The following CD69 variants were observed in gnomAD, a reference collection of about 807,000 sequenced individuals.
CD69 encodes the protein early activation antigen CD69.
A neutral mutation model predicts 21.4 loss-of-function variants in CD69; 10 were observed. That is an observed-to-expected ratio of 0.47 (90% confidence interval 0.29 to 0.79). The LOEUF is 0.79. CD69 is among the 30% of genes least tolerant of loss of function. The probability of loss-of-function intolerance (pLI) is 0.09; values close to 1 mark genes in which losing one functional copy is unlikely to be tolerated. For missense variants in CD69, 204 were observed against 236.9 expected (o/e 0.86, Z 0.91); for synonymous variants, 63 against 78.2 (o/e 0.81, Z 1.03).
intron 2 of CD69, 148 bp from the exon 3 acceptor site, chr12:9,755,409 GAAAGAAAGTTCTCAGGACCATA>G: frequency 1.5e-6 from 1 of 651,844 alleles, no homozygotes; most frequent in Admixed American, 2.8e-5. Flanking sequence ...AGGGTATGAA[GAAAGAAAGTTCTCAGGACCATA>G]TCTGATCTTC....
chr12:9,755,188 C>T lies in CD69; in HGVS notation c.261G>A (p.Glu87=). ...ATTTCCTCTGGTAGCCAACCCAGTCCTCAGAGCATGAAGAAACATGGCTGT... is the reference window on the plus strand; with the variant it reads ...ATTTCCTCTGGTAGCCAACCCAGTCTTCAGAGCATGAAGAAACATGGCTGT... ...PSDSHVSSCS[E]DWVGYQRKCY... is the part of the protein sequence containing the mutation. Residue 87 remains glutamate (E), a synonymous_variant, in exon 3 of 5, where the codon GAG becomes GAA. Coordinates refer to ENST00000228434, the MANE Select transcript of CD69 (RefSeq NM_001781.2). The T allele has an allele frequency of 1.2e-6, 2 of 1,614,032 alleles. No homozygotes were observed. The highest frequency in any genetic ancestry group is 1.6e-4 in the Middle Eastern group (1 of 6,062).
intron 1 of CD69, among the ~76,000 whole-genome samples, chr12:9,757,842 A>C (rs59585962): frequency 0.067 from 10,208 of 152,280 alleles, 1,177 homozygotes; most frequent in African/African-American, 0.23. Context: ...TCTTGTGGTT[A>C]TACCACTGTC....
At chr12:9,760,028 T>C (rs925074614) in intron 1 of CD69, among the ~76,000 whole-genome samples, 4 of 151,980 alleles carry the variant, frequency 2.6e-5, no homozygotes, top group African/African-American at 9.7e-5. Flanking sequence ...AAGCCAGAGA[T>C]TGGAAAGGTT....
intron 1 of CD69, among the ~76,000 whole-genome samples, chr12:9,760,003 G>T (rs913361281): frequency 1.3e-5 from 2 of 150,182 alleles, no homozygotes; most frequent in African/African-American, 5.1e-5. Flanking sequence ...CAAATTCTAA[G>T]TTACATAGTC....
chr12:9,760,723 C>A, intron 1 of CD69, 34 bp downstream of exon 1: 1 of 1,492,134 alleles, frequency 6.7e-7, no homozygotes, highest in Non-Finnish European at 9.3e-7. Context: ...TATAGAGATA[C>A]CAGAGAGTAA....
chr12:9,753,568 G>T lies in CD69; in HGVS notation c.513C>A (p.Asp171Glu), dbSNP rs1325140636. 1.3e-6 allele frequency: 2 copies of T among 1,563,214 alleles called. No individual in the cohort carries two copies. The highest frequency in any genetic ancestry group is 1.7e-5 in the Admixed American group (1 of 58,114). Residue 171 changes from aspartate (D) to glutamate (E), a missense_variant, in exon 5 of 5, where the codon GAC (aspartate) becomes GAA (glutamate). By Grantham distance (45) the Asp-to-Glu change is conservative (BLOSUM62 2). Coordinates refer to ENST00000228434, the MANE Select transcript of CD69 (RefSeq NM_001781.2). ...FNNWFNVTGS[D>E]KCVFLKNTEV... Reference sequence around the variant, plus strand: ...CTGTGTTTTTCAGAAAAACACACTTGTCAGACCCTGTAACGTTGAACCTGT... The same window carrying T: ...CTGTGTTTTTCAGAAAAACACACTTTTCAGACCCTGTAACGTTGAACCTGT...
At position 9,753,206 on chromosome 12, in the gene CD69, C is replaced by A; in HGVS notation, c.*275G>T. The A allele has an allele frequency of 4.5e-6, 1 of 224,028 alleles. No individual in the cohort carries two copies. The highest frequency in any genetic ancestry group is 8.7e-6 in the Non-Finnish European group (1 of 114,930). 13.9% of individuals were successfully genotyped at this position (224,028 alleles called of 1,614,324 possible). ...GATTCAAAATAATATAAAGTGCATC[C>A]AAAGGTTGCATAGTCATTCTTCTCA... On this transcript the variant is annotated 3_prime_UTR_variant, in exon 5 of 5. Transcript: ENST00000228434.
Position 9,760,792 on chromosome 12 carries a change from T to C in CD69, c.29A>G (p.Glu10Gly). ...ACTCTCCGGATGCAAAGAGCTGTTC[T>C]CTGCTACGAAACAATTTTCAGAGCT... MSSENCFVAENSSLHPESGQ... is the reference protein window; with the variant it reads MSSENCFVAGNSSLHPESGQ... The change falls in exon 1 of 5, where the codon GAG (glutamate) becomes GGG (glycine). Residue 10 changes from glutamate (E) to glycine (G), a missense_variant. Physicochemically the swap from Glu to Gly is moderately conservative, Grantham distance 98. Coordinates refer to ENST00000228434, the MANE Select transcript of CD69 (RefSeq NM_001781.2). The C allele has an allele frequency of 6.2e-7, 1 of 1,612,966 alleles. No individual in the cohort carries two copies. Among genetic ancestry groups the C allele is most frequent in the South Asian group, 1.1e-5 (1 of 91,082 alleles).
intron 1 of CD69, among the ~76,000 whole-genome samples, chr12:9,760,306 TG>T (rs1241775231): frequency 6.6e-6 from 1 of 152,152 alleles, no homozygotes; most frequent in Non-Finnish European, 1.5e-5. Context: ...ATTGCTTATG[TG>T]GAAAACAGAA....
intron 1 of CD69, 61 bp from the exon 2 acceptor site, chr12:9,756,480 C>A: frequency 7.3e-7 from 1 of 1,361,740 alleles, no homozygotes. Context: ...TAGGAATATG[C>A]AACATTCTTT....
In CD69 at chr12:9,754,488, G is replaced by A. The variant is rs755640861; in HGVS notation, c.491+99C>T. 41 of 747,830 alleles carry A rather than the reference G, an allele frequency of 5.5e-5. No homozygotes were observed. In the African/African-American group the frequency reaches 6.5e-4, roughly 12 times the overall value. The allele number at this position is 747,830 out of a possible 1,614,324, so 46.3% of individuals were successfully genotyped here. A position where few individuals can be genotyped will look rare whatever the true frequency, so the allele number is the denominator to read the frequency against. ...AAGAGATTGTTAGAGCTCTTGAAGA[G>A]CTCAGCCTTTATATTTAAAGTGCTT... On this transcript the variant is annotated intron_variant, in intron 4 of 4. Coordinates refer to ENST00000228434, the MANE Select transcript of CD69 (RefSeq NM_001781.2).
At chr12:9,755,298 GAAACCA>G in intron 2 of CD69, 37 bp from the exon 3 acceptor site, 1 of 1,539,024 alleles carries the variant, frequency 6.5e-7, no homozygotes, top group Non-Finnish European at 9.0e-7. Flanking sequence ...AGTAACAAAA[GAAACCA>G]AATACCCACA....
intron 2 of CD69, 49 bp from the exon 3 acceptor site, chr12:9,755,310 C>T (rs756453431): frequency 6.8e-7 from 1 of 1,464,194 alleles, no homozygotes; most frequent in East Asian, 2.3e-5. Flanking sequence ...AACCAAATAC[C>T]CACAGCATGC....
At chr12:9,756,180 G>T (rs1032868620) in intron 2 of CD69, 117 bp downstream of exon 2, 12 of 855,894 alleles carry the variant, frequency 1.4e-5, no homozygotes, top group Non-Finnish European at 2.0e-5. Flanking sequence ...ATGGTACATG[G>T]GATGATTCTG....
chr12:9,756,513 T>C (rs752718530), intron 1 of CD69, 94 bp from the exon 2 acceptor site: 61 of 1,010,104 alleles, frequency 6.0e-5, no homozygotes, highest in Admixed American at 8.7e-5. Context: ...ACTTAATATT[T>C]CCTATCTCAT....
chr12:9,760,413 A>C (rs1415066421), intron 1 of CD69, among the ~76,000 whole-genome samples: 2 of 152,250 alleles, frequency 1.3e-5, no homozygotes, highest in Non-Finnish European at 1.5e-5. Flanking sequence ...AAGTTTTCTA[A>C]TTAAATCTAA....
At chr12:9,754,421 A>G in intron 4 of CD69, 166 bp downstream of exon 4, 1 of 505,690 alleles carries the variant, frequency 2.0e-6, no homozygotes, top group South Asian at 3.1e-5. Context: ...AAGAATAATA[A>G]TAAAGCCTGT....
At chr12:9,759,639 C>CTGG (rs151008461) in intron 1 of CD69, among the ~76,000 whole-genome samples, 1 of 152,200 alleles carries the variant, frequency 6.6e-6, no homozygotes, top group African/African-American at 2.4e-5. Flanking sequence ...TGAGAAGTAA[C>CTGG]TGATGTTTTT....
At position 9,752,669 on chromosome 12, in the gene CD69, G is replaced by T. The variant is rs1180340052; in HGVS notation, c.*812C>A. 1.3e-5 allele frequency: 2 copies of T among 152,514 alleles called. No individual in the cohort carries two copies. The highest frequency in any genetic ancestry group is 1.3e-4 in the Admixed American group (2 of 15,258). The allele number at this position is 152,514 out of a possible 1,614,324, so 9.4% of individuals were successfully genotyped here. A position where few individuals can be genotyped will look rare whatever the true frequency, so the allele number is the denominator to read the frequency against. On this transcript the variant is annotated 3_prime_UTR_variant, in exon 5 of 5. Coordinates refer to ENST00000228434, the MANE Select transcript of CD69 (RefSeq NM_001781.2). Reference sequence around the variant, plus strand: ...TATTATAAGACTAGTATTATTCTAGGTCTGAAGATTACAGAATATTTCCTA... The same window carrying T: ...TATTATAAGACTAGTATTATTCTAGTTCTGAAGATTACAGAATATTTCCTA...
Sources: allele counts gnomAD v4.1 joint callset (sites outside exome capture counted in the v4.1 genomes callset), GRCh38; gene constraint gnomAD v4.1.1; transcripts MANE v1.5; gene names NCBI Gene and HGNC (gene_info 2026-07-23, HGNC 2026-07-21).